Variants in NTNG2 observed in about 807,000 individuals in gnomAD.
The protein encoded by NTNG2 is netrin G2.
A neutral mutation model predicts 47.6 loss-of-function variants in NTNG2; 15 were observed. That is an observed-to-expected ratio of 0.32 (90% CI 0.21 to 0.49). The LOEUF is 0.49. Among genes scored for constraint, NTNG2 ranks in the 20% least tolerant of loss-of-function variants. The pLI is 0.99. For synonymous variants in NTNG2, 307 were observed against 324.6 expected, an observed-to-expected ratio of 0.95 and a Z score of 0.58; for missense variants, 578 against 764.6, an observed-to-expected ratio of 0.76 and a Z score of 2.88.
chr9:132,177,233 C>T (rs1299340195), intron 2 of NTNG2, among the ~76,000 whole-genome samples: 3 of 152,226 alleles, frequency 2.0e-5, no homozygotes, highest in Non-Finnish European at 2.9e-5. Context: ...ACGATCTGCC[C>T]GCCTGGGCCT....
intron 2 of NTNG2, among the ~76,000 whole-genome samples, chr9:132,170,957 G>A (rs921324669): frequency 6.6e-6 from 1 of 152,206 alleles, no homozygotes; most frequent in African/African-American, 2.4e-5. Flanking sequence ...CCAGAGGTCT[G>A]TGGGTCCCAT....
chr9:132,229,484 C>T (rs959000538), intron 4 of NTNG2, among the ~76,000 whole-genome samples: 1 of 152,184 alleles, frequency 6.6e-6, no homozygotes, highest in Non-Finnish European at 1.5e-5. Flanking sequence ...ACTCTGCCCC[C>T]ACCTGGCCAG....
At position 132,180,060 on chromosome 9, in the gene NTNG2, C is replaced by T. The variant is rs1836815671; in HGVS notation, c.213+13016C>T. 6.6e-6 allele frequency among the ~76,000 whole-genome samples: 1 copy of T among 152,196 alleles called. No individual in the cohort carries two copies. The highest frequency in any genetic ancestry group is 1.5e-5 in the Non-Finnish European group (1 of 68,022). On this transcript the variant is annotated intron_variant, in intron 2 of 7. Coordinates refer to ENST00000393229, the MANE Select transcript of NTNG2 (RefSeq NM_032536.4). This position sits in a 1 kb window ranked among gnomAD's most constrained non-coding sequence, Gnocchi z 4.2. ...AGGCCTGTCTTCAAGGACCTGGCAT[C>T]CTTCTGTCCCAGGGCAGTTTGTCTT... is the stretch of plus-strand genomic sequence containing the variant.
chr9:132,178,469 T>C (rs1240572871), intron 2 of NTNG2, among the ~76,000 whole-genome samples: 1 of 152,132 alleles, frequency 6.6e-6, no homozygotes, highest in African/African-American at 2.4e-5. Flanking sequence ...GAAGGCATGC[T>C]GGGATTGTCT....
intron 3 of NTNG2, among the ~76,000 whole-genome samples, chr9:132,209,516 G>A (rs933799971): frequency 3.9e-5 from 6 of 152,196 alleles, no homozygotes; most frequent in African/African-American, 7.2e-5. Flanking sequence ...GCAGGGCGGT[G>A]CCCCAAAGCC....
At chr9:132,193,923 C>G (rs1838084107) in intron 2 of NTNG2, among the ~76,000 whole-genome samples, 1 of 152,174 alleles carries the variant, frequency 6.6e-6, no homozygotes, top group Non-Finnish European at 1.5e-5. Flanking sequence ...CTTCAAACGG[C>G]CTTTTCTCTG....
At chr9:132,189,559 G>A (rs995235175) in intron 2 of NTNG2, among the ~76,000 whole-genome samples, 2 of 152,168 alleles carry the variant, frequency 1.3e-5, no homozygotes, top group Non-Finnish European at 2.9e-5. Flanking sequence ...TGAGCCTCAT[G>A]TCCTGCTTCA....
In NTNG2 at chr9:132,206,004, TG is replaced by T. The variant is rs1375779396; in HGVS notation, c.857+7396del. The stretch of plus-strand genomic sequence containing the variant: ...GTCCAGGTGCAAATTCTGGATTAGG[TG>T]TGACCCTGGGCAAGTTGTCTAACCT... On this transcript the variant is annotated intron_variant, in intron 3 of 7. Transcript: ENST00000393229. 2.0e-5 allele frequency among the ~76,000 whole-genome samples: 3 copies of T among 152,256 alleles called. No homozygotes were observed. In the East Asian group the frequency reaches 5.8e-4, roughly 29 times the overall value.
At chr9:132,230,669 G>GAAAA in intron 5 of NTNG2, 74 bp downstream of exon 5, 2 of 1,504,282 alleles carry the variant, frequency 1.3e-6, no homozygotes, top group Admixed American at 1.9e-5. Context: ...GAAAAAGCTG[G>GAAAA]AGAGAAAAAA....
intron 3 of NTNG2, among the ~76,000 whole-genome samples, chr9:132,205,683 C>T (rs1839118842): frequency 6.6e-6 from 1 of 152,078 alleles, no homozygotes; most frequent in South Asian, 2.1e-4. Flanking sequence ...GAGCTCAAGA[C>T]CAGCCTGGCC....
chr9:132,240,667 G>C (rs1250507887), intron 6 of NTNG2: 3 of 597,406 alleles, frequency 5.0e-6, no homozygotes, highest in Non-Finnish European at 8.9e-6. Flanking sequence ...CCAGTGCCAG[G>C]GCGGGGAAGG....
Position 132,162,958 on chromosome 9 carries a change from G to A in NTNG2, c.-484+719G>A, listed in dbSNP as rs1011184269. On this transcript the variant is annotated intron_variant, in intron 1 of 7. Transcript: ENST00000393229. This position sits in a 1 kb window ranked among gnomAD's most constrained non-coding sequence, Gnocchi z 4.6. ...GGAAGAGAGGACCGCGGGCTCGCGGGGTCCGCCCGCTCCGGAGTAAGTTGG... is the reference window on the plus strand; with the variant it reads ...GGAAGAGAGGACCGCGGGCTCGCGGAGTCCGCCCGCTCCGGAGTAAGTTGG... Among the ~76,000 whole-genome samples the A allele has an allele frequency of 6.6e-6, 1 of 152,132 alleles. No homozygotes were observed. Among genetic ancestry groups the A allele is most frequent in the African/African-American group, 2.4e-5 (1 of 41,442 alleles).
chr9:132,201,127 C>T (rs1296262787), intron 3 of NTNG2, among the ~76,000 whole-genome samples: 1 of 152,242 alleles, frequency 6.6e-6, no homozygotes, highest in Non-Finnish European at 1.5e-5. Flanking sequence ...CATGTCTGGG[C>T]CAGCTGTAGG....
chr9:132,179,429 C>T lies in NTNG2; in HGVS notation c.213+12385C>T, dbSNP rs139761613. On this transcript the variant is annotated intron_variant, in intron 2 of 7. Coordinates refer to ENST00000393229, the MANE Select transcript of NTNG2 (RefSeq NM_032536.4). ...GTCCCCTAAGCCCATCTGCCAGCTGCGGTCTTCTCTGTGGTGGCAGCATCA... is the reference window on the plus strand; with the variant it reads ...GTCCCCTAAGCCCATCTGCCAGCTGTGGTCTTCTCTGTGGTGGCAGCATCA... Among the ~76,000 whole-genome samples the T allele has an allele frequency of 5.3e-3, 803 of 152,306 alleles. 8 individuals carry two copies. The highest frequency in any genetic ancestry group is 0.018 in the African/African-American group (750 of 41,568).
chr9:132,234,762 A>G (rs996086180), intron 5 of NTNG2, among the ~76,000 whole-genome samples: 2 of 152,266 alleles, frequency 1.3e-5, no homozygotes, highest in African/African-American at 4.8e-5. Flanking sequence ...GCTCTAATTA[A>G]GCCCTTGCCA....
intron 2 of NTNG2, among the ~76,000 whole-genome samples, chr9:132,192,313 A>G (rs1450683640): frequency 6.6e-6 from 1 of 152,206 alleles, no homozygotes; most frequent in Non-Finnish European, 1.5e-5. Flanking sequence ...TAGAAGGTCC[A>G]GGTGCAATGG....
At chr9:132,205,723 A>G (rs1839121327) in intron 3 of NTNG2, among the ~76,000 whole-genome samples, 1 of 152,122 alleles carries the variant, frequency 6.6e-6, no homozygotes, top group African/African-American at 2.4e-5. Context: ...TCTACTAAAA[A>G]TACAAAAATT....
rs965461955 is a variant in NTNG2 at position 132,215,648 on chromosome 9, G to C, written c.858-11201G>C. ...ACTGAATCCTCCAAGAGGCCAGGGGGTGTGTCACCTCTTGGGGCGCCCCAG... is the reference window on the plus strand; with the variant it reads ...ACTGAATCCTCCAAGAGGCCAGGGGCTGTGTCACCTCTTGGGGCGCCCCAG... On this transcript the variant is annotated intron_variant, in intron 3 of 7. Transcript: ENST00000393229. This position sits in a 1 kb window ranked among gnomAD's most constrained non-coding sequence, Gnocchi z 4.2. 2.0e-5 allele frequency among the ~76,000 whole-genome samples: 3 copies of C among 152,210 alleles called. No individual in the cohort carries two copies. The highest frequency in any genetic ancestry group is 7.2e-5 in the African/African-American group (3 of 41,450).
intron 2 of NTNG2, among the ~76,000 whole-genome samples, chr9:132,169,901 T>G (rs1331641693): frequency 1.3e-5 from 2 of 152,204 alleles, no homozygotes; most frequent in Non-Finnish European, 2.9e-5. Flanking sequence ...GTATTGCTAG[T>G]CTCTGGCAGC....
Sources: gnomAD v4.1 joint callset for allele counts (sites outside exome capture counted in the v4.1 genomes callset) on GRCh38, gnomAD v4.1.1 for gene constraint, Gnocchi (gnomAD v3.1) non-coding constraint, MANE v1.5 for transcripts, NCBI Gene and HGNC (gene_info 2026-07-23, HGNC 2026-07-21) for gene names.